ERICH1: variants seen among roughly 807,000 people sequenced by gnomAD.
The protein encoded by ERICH1 is glutamate-rich protein 1.
A neutral mutation model predicts 39.6 loss-of-function variants in ERICH1; 56 were observed. The observed-to-expected ratio is 1.41, with a 90% CI of 1.14 to 1.77. The LOEUF (loss-of-function observed/expected upper bound fraction) is 1.77, where lower values mean the gene tolerates loss of function less well. Among genes scored for constraint, ERICH1 ranks in the 40% most tolerant of loss-of-function variants. The probability of loss-of-function intolerance (pLI) is 0.00; values close to 1 mark genes in which losing one functional copy is unlikely to be tolerated. For synonymous variants in ERICH1, 313 were observed against 223.6 expected (o/e 1.40, Z -3.57); for missense variants, 826 against 575.4 (o/e 1.44, Z -4.45).
chr8:649,912 G>A (rs1210399894), intron 3 of ERICH1, among the ~76,000 whole-genome samples: 1 of 152,334 alleles, frequency 6.6e-6, no homozygotes, highest in Admixed American at 6.5e-5. Flanking sequence ...AGACGTGACA[G>A]GACCGGGCCT....
chr8:716,386 GGTGGACGGTGTCA>G (rs1162891004), intron 1 of ERICH1, among the ~76,000 whole-genome samples: 1 of 152,258 alleles, frequency 6.6e-6, no homozygotes, highest in Non-Finnish European at 1.5e-5. Flanking sequence ...TGTGGTCCTG[GGTGGACGGTGTCA>G]GTGGCCCACA....
At chr8:692,376 C>G in intron 3 of ERICH1, 102 bp downstream of exon 3, 1 of 1,522,640 alleles carries the variant, frequency 6.6e-7, no homozygotes, top group Non-Finnish European at 8.9e-7. Flanking sequence ...CTCACCCACC[C>G]CCCAAGTATG....
intron 4 of ERICH1, among the ~76,000 whole-genome samples, chr8:669,882 C>G (rs1366734928): frequency 6.6e-6 from 1 of 152,190 alleles, no homozygotes; most frequent in Non-Finnish European, 1.5e-5. Flanking sequence ...CGGCGTTAAC[C>G]CTGCTTGGAC....
At chr8:625,157 G>C (rs934585376) in intron 3 of ERICH1, among the ~76,000 whole-genome samples, 2 of 152,184 alleles carry the variant, frequency 1.3e-5, no homozygotes, top group African/African-American at 4.8e-5. Context: ...TTCTACATGA[G>C]ATTTGGGTGG....
At chr8:678,562 A>T (rs953533017) in intron 3 of ERICH1, among the ~76,000 whole-genome samples, 1 of 152,300 alleles carries the variant, frequency 6.6e-6, no homozygotes, top group South Asian at 2.1e-4. Flanking sequence ...TTAAAGAAAA[A>T]GTCTTGGGAG....
At chr8:674,335 C>A (rs1461209062) in intron 3 of ERICH1, among the ~76,000 whole-genome samples, 2 of 121,560 alleles carry the variant, frequency 1.6e-5, no homozygotes, top group East Asian at 2.8e-4. Flanking sequence ...CAGACTCTTA[C>A]TTTGCTGCAC....
intron 1 of ERICH1, among the ~76,000 whole-genome samples, chr8:716,819 C>G (rs955528721): frequency 6.6e-6 from 1 of 152,048 alleles, no homozygotes; most frequent in Non-Finnish European, 1.5e-5. Flanking sequence ...CTGTCATAGG[C>G]CCCCTGAGAG....
At chr8:682,444 T>C (rs168062) in intron 3 of ERICH1, among the ~76,000 whole-genome samples, 1 of 152,156 alleles carries the variant, frequency 6.6e-6, no homozygotes, top group Non-Finnish European at 1.5e-5. Context: ...TTTTACCCTG[T>C]TGCACTGTGA....
downstream of ERICH1, among the ~76,000 whole-genome samples, chr8:661,133 C>A (rs1051679147): frequency 6.6e-6 from 1 of 152,120 alleles, no homozygotes; most frequent in African/African-American, 2.4e-5. Context: ...TGGTGCGAGG[C>A]GGGGCAGATG....
In ERICH1 at chr8:647,041, C is replaced by G; in HGVS notation, c.976+21557G>C. On this transcript the variant is annotated intron_variant, in intron 3 of 3. Coordinates refer to the ERICH1 transcript ENST00000522706. ...AAAATCCCGTGAGGGTGAGCATCAT[C>G]CCAGTGTTCAGGTGTGGACGCCAAG... Among the ~76,000 whole-genome samples, 2 of 70,010 alleles carry G rather than the reference C, an allele frequency of 2.9e-5. 1 individual carries two copies. Among genetic ancestry groups the G allele is most frequent in the African/African-American group, 7.2e-5 (2 of 27,782 alleles). 45.9% of individuals were successfully genotyped at this position (70,010 alleles called of 152,430 possible).
chr8:637,147 C>G (rs981123580), intron 3 of ERICH1, among the ~76,000 whole-genome samples: 1 of 152,362 alleles, frequency 6.6e-6, no homozygotes, highest in African/African-American at 2.4e-5. Flanking sequence ...TGTGGCTTCT[C>G]TGGGCCCATC....
chr8:618,837 G>A (rs1253053670), intron 3 of ERICH1, among the ~76,000 whole-genome samples: 5 of 152,140 alleles, frequency 3.3e-5, no homozygotes, highest in East Asian at 1.9e-4. Flanking sequence ...ACGCCTGACC[G>A]AGTTGGAGAT....
intron 4 of ERICH1, among the ~76,000 whole-genome samples, chr8:670,465 C>T (rs1167185845): frequency 2.6e-5 from 4 of 152,086 alleles, no homozygotes; most frequent in Non-Finnish European, 2.9e-5. Context: ...CCCTTTGCTC[C>T]GCCAGGCAGA....
At chr8:715,293 C>T (rs145425020) in intron 2 of ERICH1, among the ~76,000 whole-genome samples, 125 of 152,382 alleles carry the variant, frequency 8.2e-4, no homozygotes, top group African/African-American at 2.7e-3. Context: ...CCCAGGTGGT[C>T]TCTTCCCGTG....
intron 2 of ERICH1, among the ~76,000 whole-genome samples, chr8:694,567 G>A (rs545508830): frequency 6.6e-6 from 1 of 152,172 alleles, no homozygotes; most frequent in Non-Finnish European, 1.5e-5. Context: ...GGTCTGTGGG[G>A]TGACCGCGGG....
chr8:618,589 TG>T (rs1379954791), intron 3 of ERICH1, among the ~76,000 whole-genome samples: 1 of 152,194 alleles, frequency 6.6e-6, no homozygotes, highest in Non-Finnish European at 1.5e-5. Flanking sequence ...TCAGAGACCT[TG>T]GGCAACATTA....
At chr8:653,598 C>T (rs1208009427) in intron 3 of ERICH1, among the ~76,000 whole-genome samples, 11 of 152,288 alleles carry the variant, frequency 7.2e-5, no homozygotes, top group East Asian at 3.9e-4. Context: ...TGGCGCTGCC[C>T]GATTCATGAA....
intron 3 of ERICH1, among the ~76,000 whole-genome samples, chr8:616,805 G>T (rs1392436077): frequency 2.5e-5 from 2 of 80,656 alleles, no homozygotes; most frequent in Non-Finnish European, 4.6e-5. Flanking sequence ...GGAAGAGAGG[G>T]GGGAGGAAGA....
chr8:662,659 T>TAAAAATA (rs1449824388), downstream of ERICH1, among the ~76,000 whole-genome samples: 3 of 151,612 alleles, frequency 2.0e-5, no homozygotes, highest in East Asian at 5.8e-4. Context: ...AAAAAGAAAA[T>TAAAAATA]AAAAATAAAA....
Sources: allele counts gnomAD v4.1 joint callset (sites outside exome capture counted in the v4.1 genomes callset), GRCh38; gene constraint gnomAD v4.1.1; transcripts MANE v1.5; gene names NCBI Gene and HGNC (gene_info 2026-07-23, HGNC 2026-07-21).